NCF4: variants seen among roughly 807,000 people sequenced by gnomAD.
NCF4 encodes the protein neutrophil cytosol factor 4.
NCF4 carries 30 observed loss-of-function variants against 41.7 expected under a neutral mutation model. The ratio of observed to expected loss-of-function variants is 0.72; its 90% confidence interval spans 0.54 to 0.97. NCF4 has a LOEUF of 0.97. NCF4 is among the 50% of genes least tolerant of loss of function. The pLI is 0.00. For missense variants in NCF4, 432 were observed against 460.9 expected (o/e 0.94, Z 0.57); for synonymous variants, 195 against 175.8 (o/e 1.11, Z -0.87).
Position 36,872,364 on chromosome 22 carries a change from T to G in NCF4, c.566T>G (p.Leu189Arg). The change falls in exon 7 of 10, where the codon CTG (leucine) becomes CGG (arginine). Residue 189 changes from leucine to arginine, a missense_variant. By Grantham distance (102) the Leu-to-Arg change is moderately radical (BLOSUM62 -2). Transcript: ENST00000248899. Reference protein sequence around the residue: ...FDFTGNSKLELNFKAGDVIFL... With the variant: ...FDFTGNSKLERNFKAGDVIFL... The stretch of plus-strand genomic sequence containing the variant: ...TTCACTGGAAACAGCAAACTGGAGC[T>G]GAATTTCAAAGCTGGAGATGTGATC... The G allele has an allele frequency of 6.2e-7, 1 of 1,613,702 alleles. No homozygotes were observed. The highest frequency in any genetic ancestry group is 1.6e-4 in the Middle Eastern group (1 of 6,062).
chr22:36,864,811 C>T, intron 2 of NCF4, 108 bp from the exon 3 acceptor site: 1 of 1,396,586 alleles, frequency 7.2e-7, no homozygotes, highest in South Asian at 1.2e-5. Flanking sequence ...CTTCTGCATC[C>T]TTATCCTCAT....
chr22:36,868,235 A>T (rs987991921), intron 4 of NCF4, among the ~76,000 whole-genome samples: 1 of 152,238 alleles, frequency 6.6e-6, no homozygotes, highest in Non-Finnish European at 1.5e-5. Context: ...GCCCAGCGGC[A>T]TCCTCACAGC....
intron 4 of NCF4, chr22:36,870,190 C>T: frequency 1.6e-6 from 1 of 623,730 alleles, no homozygotes; most frequent in Non-Finnish European, 2.8e-6. Context: ...TCTCAAGCCC[C>T]TGGTCCCTCT....
At chr22:36,870,290 T>C in intron 4 of NCF4, 125 bp from the exon 5 acceptor site, 1 of 1,329,302 alleles carries the variant, frequency 7.5e-7, no homozygotes, top group Non-Finnish European at 1.1e-6. Flanking sequence ...ATTTCTGTTA[T>C]CAGGCATCAT....
intron 3 of NCF4, among the ~76,000 whole-genome samples, chr22:36,866,439 C>T (rs1415859180): frequency 6.6e-6 from 1 of 152,216 alleles, no homozygotes; most frequent in African/African-American, 2.4e-5. Flanking sequence ...TTCTCTGTTA[C>T]AGAATCAACC....
At position 36,870,117 on chromosome 22, in the gene NCF4, G is replaced by T. The variant is rs980199663; in HGVS notation, c.343-298G>T. ...CCTGGTAAAGTCACCGCCGGGTCAT[G>T]TTAGTTGTCATCACCATTACTGCTG... On this transcript the variant is annotated intron_variant, in intron 4 of 9. Transcript: ENST00000248899. 1.1e-5 allele frequency: 5 copies of T among 448,566 alleles called. No individual in the cohort carries two copies. The East Asian group carries it at 2.3e-4, about 21-fold the overall frequency. 27.8% of individuals were successfully genotyped at this position (448,566 alleles called of 1,614,324 possible). A position where few individuals can be genotyped will look rare whatever the true frequency, so the allele number is the denominator to read the frequency against.
chr22:36,867,030 G>A (rs889704196), intron 3 of NCF4, among the ~76,000 whole-genome samples: 10 of 151,880 alleles, frequency 6.6e-5, no homozygotes, highest in Admixed American at 2.0e-4. Flanking sequence ...ATGTGCAGCC[G>A]GTGTTGCCAC....
chr22:36,876,486 T>C (rs35932103), intron 9 of NCF4, among the ~76,000 whole-genome samples: 109 of 152,330 alleles, frequency 7.2e-4, no homozygotes, highest in Middle Eastern at 6.8e-3. Flanking sequence ...ATAAAACTTG[T>C]ACCAACTCAT....
At chr22:36,874,590 A>G (rs1940150927) in intron 7 of NCF4, among the ~76,000 whole-genome samples, 1 of 152,214 alleles carries the variant, frequency 6.6e-6, no homozygotes, top group African/African-American at 2.4e-5. Context: ...TTTTCCGGAA[A>G]GTCCTACTTA....
chr22:36,869,655 A>G (rs1368720170), intron 4 of NCF4, among the ~76,000 whole-genome samples: 1 of 151,624 alleles, frequency 6.6e-6, no homozygotes, highest in Non-Finnish European at 1.5e-5. Context: ...TGGTGAGATG[A>G]CCCCGCCAGG....
intron 7 of NCF4, among the ~76,000 whole-genome samples, chr22:36,875,412 TGAGTGA>T (rs1428144019): frequency 1.3e-5 from 2 of 152,198 alleles, no homozygotes; most frequent in African/African-American, 4.8e-5. Context: ...AATAAGTGAA[TGAGTGA>T]GATAAAAGCA....
rs1193603000 is a variant in NCF4 at position 36,865,937 on chromosome 22, C to G, written c.271+865C>G. Reference sequence around the variant, plus strand: ...CTTGCCTACTCTAAGCCAGCCTCCCCTCTCAGGCTCCATCATTTTCCCTCC... The same window carrying G: ...CTTGCCTACTCTAAGCCAGCCTCCCGTCTCAGGCTCCATCATTTTCCCTCC... On this transcript the variant is annotated intron_variant, in intron 3 of 9. Coordinates refer to ENST00000248899, the MANE Select transcript of NCF4 (RefSeq NM_000631.5). The surrounding 1 kb of genome is among the most constrained non-coding windows in gnomAD (Gnocchi z 4.3). 6.6e-6 allele frequency among the ~76,000 whole-genome samples: 1 copy of G among 152,190 alleles called. No individual in the cohort carries two copies. The highest frequency in any genetic ancestry group is 6.5e-5 in the Admixed American group (1 of 15,284).
At chr22:36,871,589 G>A (rs998588246) in intron 5 of NCF4, 63 bp from the exon 6 acceptor site, 1 of 1,528,942 alleles carries the variant, frequency 6.5e-7, no homozygotes, top group Admixed American at 2.0e-5. Flanking sequence ...TCTGGACACA[G>A]GAGCAGGAAG....
At chr22:36,863,003 T>C (rs1473997180) in intron 1 of NCF4, among the ~76,000 whole-genome samples, 1 of 152,116 alleles carries the variant, frequency 6.6e-6, no homozygotes, top group Non-Finnish European at 1.5e-5. Flanking sequence ...AGCCAGAACA[T>C]CCCGGCCCAG....
At chr22:36,866,271 T>C (rs1939925057) in intron 3 of NCF4, among the ~76,000 whole-genome samples, 3 of 152,038 alleles carry the variant, frequency 2.0e-5, no homozygotes, top group Admixed American at 2.0e-4. Flanking sequence ...GAAATTCCTC[T>C]CGGTGAGGTG....
chr22:36,877,078 C>T (rs1940208968), intron 9 of NCF4, among the ~76,000 whole-genome samples: 1 of 152,184 alleles, frequency 6.6e-6, no homozygotes, highest in Non-Finnish European at 1.5e-5. Flanking sequence ...AATCCTTTAG[C>T]ACATTTATAC....
rs780280945 is a variant in NCF4, at chr22:36,870,478, T to C, written c.406T>C (p.Ser136Pro). ...DEDVRIFFYQ[S>P]PYDSEQVPQA... ...GGACGTCCGGATCTTCTTTTACCAG[T>C]CGCCCTATGACTCAGAGCAGGTGCC... The change falls in exon 5 of 10, where the codon TCG (serine) becomes CCG (proline). Residue 136 changes from serine (S) to proline (P), a missense_variant. Ser to Pro is a moderately conservative substitution (Grantham distance 74). Coordinates refer to ENST00000248899, the MANE Select transcript of NCF4 (RefSeq NM_000631.5). The C allele has an allele frequency of 1.1e-5, 18 of 1,613,814 alleles. No individual in the cohort carries two copies. In the South Asian group the frequency reaches 2.0e-4, roughly 18 times the overall value.
At chr22:36,875,061 C>T (rs1461038033) in intron 7 of NCF4, among the ~76,000 whole-genome samples, 5 of 152,188 alleles carry the variant, frequency 3.3e-5, no homozygotes, top group African/African-American at 1.2e-4. Flanking sequence ...CAGAGTTTCA[C>T]TCTGGTTGCC....
At chr22:36,875,302 T>A (rs980855927) in intron 7 of NCF4, among the ~76,000 whole-genome samples, 1 of 152,180 alleles carries the variant, frequency 6.6e-6, no homozygotes, top group Non-Finnish European at 1.5e-5. Flanking sequence ...AGTGCTAGGA[T>A]TACAGGTGTG....
Sources: gnomAD v4.1 joint callset for allele counts (sites outside exome capture counted in the v4.1 genomes callset) on GRCh38, gnomAD v4.1.1 for gene constraint, Gnocchi (gnomAD v3.1) non-coding constraint, MANE v1.5 for transcripts, NCBI Gene and HGNC (gene_info 2026-07-23, HGNC 2026-07-21) for gene names.